Variants in PRIM2 observed in about 807,000 individuals in gnomAD.
PRIM2 encodes the protein DNA primase subunit 2, also known as DNA primase large subunit.
PRIM2 carries 39 observed loss-of-function variants against 67.3 expected under a neutral mutation model. The ratio of observed to expected loss-of-function variants is 0.58; its 90% CI spans 0.45 to 0.76. The LOEUF is 0.76. Among genes scored for constraint, PRIM2 ranks in the 30% least tolerant of loss-of-function variants. The pLI, the probability that PRIM2 is intolerant of heterozygous loss-of-function variation, is 0.00. For missense variants in PRIM2, 398 were observed against 598.7 expected (o/e 0.66, Z 3.50); for synonymous variants, 143 against 198.7 (o/e 0.72, Z 2.36).
chr6:57,545,101 T>G (rs1299017212), intron 10 of PRIM2, among the ~76,000 whole-genome samples: 2 of 152,142 alleles, frequency 1.3e-5, no homozygotes, highest in Non-Finnish European at 2.9e-5. Flanking sequence ...AGCATCAGCA[T>G]CATTTGGGAA....
chr6:57,321,048 A>T (rs1045347111), intron 3 of PRIM2, among the ~76,000 whole-genome samples: 2 of 152,174 alleles, frequency 1.3e-5, no homozygotes, highest in Admixed American at 1.3e-4. Context: ...TGGGAAGATG[A>T]CTGCCAGCAG....
At chr6:57,508,006 C>T (rs1774284824) in intron 8 of PRIM2, among the ~76,000 whole-genome samples, 1 of 152,050 alleles carries the variant, frequency 6.6e-6, no homozygotes, top group Non-Finnish European at 1.5e-5. Context: ...GTGCGATCTC[C>T]GCTCACTGCA....
chr6:57,306,349 T>G, the PRIM2 span, among the ~76,000 whole-genome samples: 1 of 152,142 alleles, frequency 6.6e-6, no homozygotes, highest in African/African-American at 2.4e-5. Context: ...TCTAGGATGT[T>G]GTGAAGCTCC....
At chr6:57,323,340 A>G (rs996619214) in intron 3 of PRIM2, among the ~76,000 whole-genome samples, 2 of 152,258 alleles carry the variant, frequency 1.3e-5, no homozygotes, top group Non-Finnish European at 2.9e-5. Flanking sequence ...GGTTTTGCCA[A>G]ATGGTTGAAA....
chr6:57,640,833 C>T (rs1214186173), intron 13 of PRIM2, among the ~76,000 whole-genome samples: 1 of 152,042 alleles, frequency 6.6e-6, no homozygotes. Context: ...AGTGCTATCC[C>T]TATCAAGCTA....
chr6:57,568,821 A>G (rs1172750429), intron 10 of PRIM2, among the ~76,000 whole-genome samples: 2 of 152,226 alleles, frequency 1.3e-5, no homozygotes, highest in Admixed American at 1.3e-4. Flanking sequence ...AGCATTAGAA[A>G]GAAAATTGGA....
chr6:57,251,229 A>T, the PRIM2 span, among the ~76,000 whole-genome samples: 15,269 of 152,134 alleles, frequency 0.1, 877 homozygotes, highest in African/African-American at 0.14. Context: ...CAAGATTTTT[A>T]AAAAAATCAT....
intron 10 of PRIM2, among the ~76,000 whole-genome samples, chr6:57,583,399 G>C (rs1233506409): frequency 1.3e-3 from 185 of 138,570 alleles, no homozygotes; most frequent in Non-Finnish European, 2.3e-3. Context: ...TCATTATTCA[G>C]TTCCCACCTA....
At chr6:57,476,596 A>G (rs1773482880) in intron 7 of PRIM2, among the ~76,000 whole-genome samples, 1 of 152,168 alleles carries the variant, frequency 6.6e-6, no homozygotes, top group East Asian at 1.9e-4. Flanking sequence ...CGTAACCATC[A>G]TTGTATTTGC....
At chr6:57,625,307 TG>T (rs1776930062) in intron 12 of PRIM2, among the ~76,000 whole-genome samples, 1 of 152,202 alleles carries the variant, frequency 6.6e-6, no homozygotes, top group African/African-American at 2.4e-5. Flanking sequence ...AAATGGATTC[TG>T]GGGACAAATT....
intron 7 of PRIM2, among the ~76,000 whole-genome samples, chr6:57,456,750 G>A (rs1468777668): frequency 2.0e-5 from 3 of 152,126 alleles, no homozygotes; most frequent in East Asian, 1.9e-4. Flanking sequence ...CCTGCAGCTT[G>A]GAGTAGTTTG....
At chr6:57,376,868 A>G (rs540961126) in intron 5 of PRIM2, among the ~76,000 whole-genome samples, 69 of 152,168 alleles carry the variant, frequency 4.5e-4, no homozygotes, top group African/African-American at 1.6e-3. Context: ...TAGAAATACA[A>G]TTAGTTTTTC....
At chr6:57,271,497 C>T in the PRIM2 span, among the ~76,000 whole-genome samples, 2 of 151,996 alleles carry the variant, frequency 1.3e-5, no homozygotes, top group African/African-American at 2.4e-5. Context: ...TTTTGTATTC[C>T]GTCTATTTGA....
intron 3 of PRIM2, among the ~76,000 whole-genome samples, chr6:57,321,804 C>A (rs1767668647): frequency 1.3e-5 from 2 of 152,232 alleles, no homozygotes; most frequent in African/African-American, 4.8e-5. Flanking sequence ...GTATTATTAT[C>A]ATCCCTATTT....
chr6:57,646,067 C>A lies in PRIM2; in HGVS notation c.1439C>A (p.Thr480Asn), dbSNP rs1777329417. ...TPQPKPSVQKTKDASSALASL... is the reference protein window; with the variant it reads ...TPQPKPSVQKNKDASSALASL... ...CAACCCAAACCAAGTGTCCAGAAAA[C>A]CAAGGATGCATCATCTGCTCTGGCC... is the stretch of plus-strand genomic sequence containing the variant. The change falls in exon 14 of 14, where the codon ACC becomes AAC. Residue 480 changes from threonine (T) to asparagine (N), a missense_variant. Around this residue, in one of 4 missense-constraint regions of PRIM2, gnomAD observed 72 missense variants for 89.4 expected, o/e 0.81. Transcript: ENST00000615550. 6 of 1,604,286 alleles carry A rather than the reference C, an allele frequency of 3.7e-6. No individual in the cohort carries two copies. Among genetic ancestry groups the A allele is most frequent in the Non-Finnish European group, 5.1e-6 (6 of 1,171,180 alleles).
intron 7 of PRIM2, among the ~76,000 whole-genome samples, chr6:57,402,624 T>A (rs2127356862): frequency 6.6e-6 from 1 of 152,284 alleles, no homozygotes; most frequent in East Asian, 1.9e-4. Context: ...TATAACTATG[T>A]TTGGGGAATG....
chr6:57,278,485 A>T, the PRIM2 span, among the ~76,000 whole-genome samples: 2 of 152,110 alleles, frequency 1.3e-5, no homozygotes, highest in Admixed American at 6.6e-5. Flanking sequence ...CCATTTTATT[A>T]TTTTAAATAA....
At chr6:57,527,542 T>A (rs1429431619) in intron 8 of PRIM2, among the ~76,000 whole-genome samples, 2 of 152,220 alleles carry the variant, frequency 1.3e-5, no homozygotes, top group South Asian at 2.1e-4. Context: ...TCTTCCAGTT[T>A]GTTGCCAGTC....
chr6:57,474,171 A>ATTTTT (rs1773409106), intron 7 of PRIM2, among the ~76,000 whole-genome samples: 1 of 113,164 alleles, frequency 8.8e-6, no homozygotes, highest in African/African-American at 3.3e-5. Flanking sequence ...CAATTCTGCT[A>ATTTTT]TCTTTTTTTT....
Sources: allele counts gnomAD v4.1 joint callset (sites outside exome capture counted in the v4.1 genomes callset), GRCh38; gene constraint gnomAD v4.1.1; regional missense constraint gnomAD v4.1.1; transcripts MANE v1.5; gene names NCBI Gene and HGNC (gene_info 2026-07-23, HGNC 2026-07-21).